Variants in LRMDA observed in about 807,000 individuals in gnomAD.
The protein encoded by LRMDA is leucine rich melanocyte differentiation associated, also known as leucine-rich melanocyte differentiation-associated protein.
LRMDA carries 18 observed loss-of-function variants against 29.8 expected under a neutral mutation model. The observed-to-expected ratio is 0.60, with a 90% CI of 0.42 to 0.90. The LOEUF is 0.90. LRMDA is among the 40% of genes least tolerant of loss of function. The pLI, the probability that LRMDA is intolerant of heterozygous loss-of-function variation, is 0.00. For synonymous variants in LRMDA, 125 were observed against 109.4 expected (o/e 1.14, Z -0.89); for missense variants, 273 against 273.9 (o/e 1.00, Z 0.02).
At chr10:75,991,138 G>A (rs992959987) in intron 2 of LRMDA, among the ~76,000 whole-genome samples, 9 of 152,146 alleles carry the variant, frequency 5.9e-5, no homozygotes, top group Non-Finnish European at 1.3e-4. Flanking sequence ...AAGCATCTCA[G>A]AGCAGGATTG....
intron 5 of LRMDA, among the ~76,000 whole-genome samples, chr10:76,063,785 C>T (rs1320062046): frequency 6.6e-6 from 1 of 152,116 alleles, no homozygotes; most frequent in African/African-American, 2.4e-5. Context: ...GGAGTTAGGT[C>T]CTCACTCCCC....
intron 2 of LRMDA, among the ~76,000 whole-genome samples, chr10:75,995,832 C>T (rs550344418): frequency 2.6e-5 from 4 of 152,294 alleles, no homozygotes; most frequent in South Asian, 2.1e-4. Flanking sequence ...ATAATGCCTT[C>T]TGCCATGAAC....
At chr10:75,731,905 T>C (rs1842703749) in intron 2 of LRMDA, among the ~76,000 whole-genome samples, 1 of 152,220 alleles carries the variant, frequency 6.6e-6, no homozygotes, top group Non-Finnish European at 1.5e-5. Context: ...ATCCGAAGTA[T>C]ATGCATTAAA....
chr10:76,005,673 G>C (rs1047771717), intron 2 of LRMDA, among the ~76,000 whole-genome samples: 1 of 152,034 alleles, frequency 6.6e-6, no homozygotes, highest in African/African-American at 2.4e-5. Context: ...GCTCACACCT[G>C]AAATCCCAGC....
At chr10:75,511,876 A>G (rs1845229734) in intron 2 of LRMDA, among the ~76,000 whole-genome samples, 1 of 152,178 alleles carries the variant, frequency 6.6e-6, no homozygotes. Context: ...TTCTTGTTAA[A>G]TCCTGTCCTC....
intron 2 of LRMDA, among the ~76,000 whole-genome samples, chr10:75,978,770 T>C (rs183116664): frequency 2.0e-5 from 3 of 152,372 alleles, no homozygotes; most frequent in Non-Finnish European, 4.4e-5. Flanking sequence ...ATTTTTTGTA[T>C]GCAACCATAT....
intron 5 of LRMDA, among the ~76,000 whole-genome samples, chr10:76,116,091 A>G (rs73283399): frequency 0.019 from 2,944 of 152,154 alleles, 105 homozygotes; most frequent in African/African-American, 0.067. Flanking sequence ...CCCTGTGGGT[A>G]TGAATGTGGG....
chr10:75,444,608 C>T (rs965374689), intron 2 of LRMDA, among the ~76,000 whole-genome samples: 2 of 152,190 alleles, frequency 1.3e-5, no homozygotes, highest in African/African-American at 4.8e-5. Context: ...GGGGGCATGA[C>T]ATTTTGTCCC....
At position 76,207,685 on chromosome 10, in the gene LRMDA, C is replaced by CG. The variant is rs564871596; in HGVS notation, c.517-116713dup. On this transcript the variant is annotated intron_variant, in intron 5 of 6. Coordinates refer to ENST00000611255, the MANE Select transcript of LRMDA (RefSeq NM_001305581.2). ...TCCATAAAATATGCTCACTGGTGGT[C>CG]GGGTGTGGTGGCTCATGCCTGTAAT... Among the ~76,000 whole-genome samples the CG allele has an allele frequency of 1.1e-3, 174 of 152,178 alleles. 2 individuals carry two copies. Among genetic ancestry groups the CG allele is most frequent in the Non-Finnish European group, 7.9e-4 (54 of 68,000 alleles).
intron 5 of LRMDA, among the ~76,000 whole-genome samples, chr10:76,212,935 G>C (rs899516490): frequency 6.6e-6 from 1 of 152,174 alleles, no homozygotes; most frequent in Non-Finnish European, 1.5e-5. Flanking sequence ...GTGCACCATT[G>C]CTGACTGTTC....
intron 5 of LRMDA, among the ~76,000 whole-genome samples, chr10:76,169,814 A>T (rs1850802916): frequency 6.6e-6 from 1 of 152,108 alleles, no homozygotes; most frequent in African/African-American, 2.4e-5. Context: ...GAAATGGTAG[A>T]CTCCAACACA....
intron 5 of LRMDA, among the ~76,000 whole-genome samples, chr10:76,233,190 A>C (rs538062950): frequency 1.4e-3 from 220 of 152,314 alleles, no homozygotes; most frequent in Non-Finnish European, 2.0e-3. Flanking sequence ...CCCCAATAAA[A>C]CAAAAATTGC....
intron 2 of LRMDA, among the ~76,000 whole-genome samples, chr10:75,455,330 C>T (rs1002769338): frequency 4.9e-4 from 74 of 152,180 alleles, no homozygotes; most frequent in African/African-American, 1.6e-3. Flanking sequence ...CTTCAGGTAT[C>T]GAGAGACAGA....
chr10:75,790,617 C>T (rs534730770), intron 2 of LRMDA, among the ~76,000 whole-genome samples: 159 of 152,252 alleles, frequency 1.0e-3, no homozygotes, highest in Middle Eastern at 3.4e-3. Context: ...GTACCAAGCT[C>T]GGCCTTCACT....
At chr10:76,363,626 T>C (rs1841356348) in intron 6 of LRMDA, among the ~76,000 whole-genome samples, 1 of 151,968 alleles carries the variant, frequency 6.6e-6, no homozygotes, top group Non-Finnish European at 1.5e-5. Flanking sequence ...ATACTTTTGC[T>C]TACTCTTTCT....
intron 2 of LRMDA, among the ~76,000 whole-genome samples, chr10:75,441,598 G>C (rs928126681): frequency 6.6e-6 from 1 of 152,088 alleles, no homozygotes. Context: ...TTAGGGTCAG[G>C]CCTCCTGCAT....
intron 6 of LRMDA, among the ~76,000 whole-genome samples, chr10:76,542,043 A>G (rs1843362952): frequency 7.6e-6 from 1 of 132,048 alleles, no homozygotes; most frequent in South Asian, 2.4e-4. Context: ...GCATGCATGT[A>G]GGTGTGTGCA....
intron 2 of LRMDA, among the ~76,000 whole-genome samples, chr10:75,485,124 A>T (rs1158743597): frequency 6.6e-6 from 1 of 152,332 alleles, no homozygotes; most frequent in East Asian, 1.9e-4. Context: ...AATATCTGCT[A>T]TAGCACTTGG....
At chr10:76,335,707 A>T (rs910919591) in intron 6 of LRMDA, among the ~76,000 whole-genome samples, 1 of 152,082 alleles carries the variant, frequency 6.6e-6, no homozygotes, top group East Asian at 1.9e-4. Context: ...AATTTTTCTG[A>T]TTGGCAATTG....
Sources: allele counts gnomAD v4.1 joint callset (sites outside exome capture counted in the v4.1 genomes callset), GRCh38; gene constraint gnomAD v4.1.1; transcripts MANE v1.5; gene names NCBI Gene and HGNC (gene_info 2026-07-23, HGNC 2026-07-21).